Variants in NEGR1 observed in about 807,000 individuals in gnomAD.
The protein encoded by NEGR1 is IgLON family member 4.
In NEGR1, 10 loss-of-function variants were observed where a neutral mutation model predicts 40.9. The ratio of observed to expected loss-of-function variants is 0.24; its 90% CI spans 0.15 to 0.42. The LOEUF (loss-of-function observed/expected upper bound fraction) is 0.42. Among genes scored for constraint, NEGR1 ranks in the 10% least tolerant of loss-of-function variants. The pLI, the probability that NEGR1 is intolerant of heterozygous loss-of-function variation, is 1.00. For missense variants in NEGR1, 352 were observed against 438.9 expected (o/e 0.80, Z 1.77); for synonymous variants, 185 against 166.8 (o/e 1.11, Z -0.84).
intron 4 of NEGR1, among the ~76,000 whole-genome samples, chr1:71,679,332 T>C (rs1177902805): frequency 6.6e-6 from 1 of 152,146 alleles, no homozygotes; most frequent in African/African-American, 2.4e-5. Flanking sequence ...TTGAGGACAA[T>C]CAACATTTTT....
chr1:71,762,717 A>C (rs1655988017), intron 3 of NEGR1, among the ~76,000 whole-genome samples: 1 of 152,182 alleles, frequency 6.6e-6, no homozygotes, highest in South Asian at 2.1e-4. Flanking sequence ...ATGGCAGTAC[A>C]TAACCTTTGT....
intron 6 of NEGR1, among the ~76,000 whole-genome samples, chr1:71,549,706 A>G (rs78092941): frequency 0.014 from 2,195 of 151,794 alleles, 48 homozygotes; most frequent in African/African-American, 0.042. Flanking sequence ...TGCATAGAGA[A>G]TTCCAGCAGT....
intron 1 of NEGR1, among the ~76,000 whole-genome samples, chr1:71,972,625 G>T (rs2100321470): frequency 6.6e-6 from 1 of 152,156 alleles, no homozygotes; most frequent in Non-Finnish European, 1.5e-5. Flanking sequence ...CTCTCTAGAG[G>T]TGACTTCAAA....
At chr1:72,272,798 A>G (rs1344189491) in intron 1 of NEGR1, among the ~76,000 whole-genome samples, 2 of 152,002 alleles carry the variant, frequency 1.3e-5, no homozygotes, top group African/African-American at 4.8e-5. Flanking sequence ...AATTCAGTAA[A>G]GAACAACTTT....
intron 1 of NEGR1, among the ~76,000 whole-genome samples, chr1:72,177,372 A>C (rs1174996356): frequency 6.6e-6 from 1 of 152,106 alleles, no homozygotes; most frequent in Admixed American, 6.6e-5. Context: ...GCTCCAACTG[A>C]GAATCACATA....
intron 1 of NEGR1, among the ~76,000 whole-genome samples, chr1:72,244,865 A>T (rs1054173328): frequency 6.6e-6 from 1 of 152,136 alleles, no homozygotes; most frequent in African/African-American, 2.4e-5. Flanking sequence ...TAACACATGC[A>T]TTTTCTCTGT....
chr1:72,006,662 T>C (rs1324167042), intron 1 of NEGR1, among the ~76,000 whole-genome samples: 2 of 152,082 alleles, frequency 1.3e-5, no homozygotes, highest in South Asian at 2.1e-4. Context: ...AATAAAAGTG[T>C]TTCCAAAAAG....
chr1:71,755,564 C>A (rs1160450598), intron 3 of NEGR1, among the ~76,000 whole-genome samples: 1 of 152,120 alleles, frequency 6.6e-6, no homozygotes, highest in Admixed American at 6.6e-5. Context: ...CGCTCTCTTC[C>A]CCTCCTCTCA....
chr1:72,136,206 G>A (rs912865012), intron 1 of NEGR1, among the ~76,000 whole-genome samples: 114 of 152,252 alleles, frequency 7.5e-4, no homozygotes, highest in African/African-American at 2.4e-3. Context: ...ATGTTAGGAT[G>A]AGAAAGCACA....
chr1:71,856,950 G>GTGTTCAAAGAGATGGATTTCCAT (rs1429674088), intron 2 of NEGR1, among the ~76,000 whole-genome samples: 4 of 151,984 alleles, frequency 2.6e-5, no homozygotes, highest in Non-Finnish European at 5.9e-5. Flanking sequence ...AAGGACTTTG[G>GTGTTCAAAGAGATGGATTTCCAT]TGTTCAAAGA....
chr1:71,776,245 G>T lies in NEGR1; in HGVS notation c.462C>A (p.Thr154=), dbSNP rs1394731787. 6.2e-7 allele frequency: 1 copy of T among 1,605,268 alleles called. No homozygotes were observed. The highest frequency in any genetic ancestry group is 8.5e-7 in the Non-Finnish European group (1 of 1,174,226). ...ISNDMTVNEG[T]NVTLTCLATG... ...TGGCCAAACAAGTAAGAGTGACGTTGGTTCCTTCATTGACGGTCATATCAT... is the reference window on the plus strand; with the variant it reads ...TGGCCAAACAAGTAAGAGTGACGTTTGTTCCTTCATTGACGGTCATATCAT... Residue 154 remains threonine (T), a synonymous_variant, in exon 3 of 7, where the codon ACC becomes ACA. Transcript: ENST00000357731.
At chr1:71,696,989 T>G (rs745585960) in intron 4 of NEGR1, among the ~76,000 whole-genome samples, 73 of 151,820 alleles carry the variant, frequency 4.8e-4, no homozygotes, top group Non-Finnish European at 1.8e-4. Context: ...AAATGTTAGT[T>G]GATGACAGTG....
intron 2 of NEGR1, among the ~76,000 whole-genome samples, chr1:71,899,377 A>G (rs1661085470): frequency 6.6e-6 from 1 of 152,006 alleles, no homozygotes; most frequent in Non-Finnish European, 1.5e-5. Flanking sequence ...TGCAGATGGG[A>G]AGGCAGATAG....
At position 71,402,603 on chromosome 1, in the gene NEGR1, T is replaced by G. The variant is rs1488053509; in HGVS notation, c.*4843A>C. On this transcript the variant is annotated 3_prime_UTR_variant, in exon 7 of 7. Transcript: ENST00000357731. The stretch of plus-strand genomic sequence containing the variant: ...TTGGAATTACTAGAAAAACAGTGAA[T>G]GTAAATGTGAAGGTGTATGATTCTT... 6.6e-6 allele frequency: 1 copy of G among 152,164 alleles called. No homozygotes were observed. Among genetic ancestry groups the G allele is most frequent in the Non-Finnish European group, 1.5e-5 (1 of 68,004 alleles). 9.4% of individuals were successfully genotyped at this position (152,164 alleles called of 1,614,324 possible).
intron 1 of NEGR1, among the ~76,000 whole-genome samples, chr1:72,225,336 C>A (rs1159534506): frequency 1.3e-5 from 2 of 151,818 alleles, no homozygotes; most frequent in Non-Finnish European, 2.9e-5. Flanking sequence ...GAGGTAAGAT[C>A]ATGGTATATC....
intron 2 of NEGR1, among the ~76,000 whole-genome samples, chr1:71,792,118 C>A (rs765316394): frequency 6.6e-6 from 1 of 152,024 alleles, no homozygotes; most frequent in Non-Finnish European, 1.5e-5. Flanking sequence ...CTAGTGTATT[C>A]CTTCTGAGGG....
chr1:72,023,750 T>G (rs1646781076), intron 1 of NEGR1, among the ~76,000 whole-genome samples: 1 of 151,920 alleles, frequency 6.6e-6, no homozygotes, highest in South Asian at 2.1e-4. Flanking sequence ...TGGGGATCAA[T>G]GAACATTAAA....
At chr1:71,455,512 G>T (rs1007429158) in intron 6 of NEGR1, among the ~76,000 whole-genome samples, 1 of 152,192 alleles carries the variant, frequency 6.6e-6, no homozygotes, top group Non-Finnish European at 1.5e-5. Flanking sequence ...AGATCACAAG[G>T]TCAGGAGATC....
intron 2 of NEGR1, among the ~76,000 whole-genome samples, chr1:71,913,405 G>C (rs575252921): frequency 3.9e-5 from 6 of 152,230 alleles, no homozygotes; most frequent in African/African-American, 1.4e-4. Flanking sequence ...ATGAGCCACT[G>C]CGCCCAGCCG....
Sources: allele counts gnomAD v4.1 joint callset (sites outside exome capture counted in the v4.1 genomes callset), GRCh38; gene constraint gnomAD v4.1.1; transcripts MANE v1.5; gene names NCBI Gene and HGNC (gene_info 2026-07-23, HGNC 2026-07-21).